CCDC149: variants seen among roughly 807,000 people sequenced by gnomAD.
CCDC149 encodes the protein coiled-coil domain containing 149, also known as coiled-coil domain-containing protein 149.
Under a neutral mutation model 59.9 loss-of-function variants are expected in CCDC149, and 45 were observed. The ratio of observed to expected loss-of-function variants is 0.75; its 90% CI spans 0.59 to 0.96. The LOEUF (loss-of-function observed/expected upper bound fraction) is 0.96. CCDC149 is among the 40% of genes least tolerant of loss of function. The pLI, the probability that CCDC149 is intolerant of heterozygous loss-of-function variation, is 0.00. For missense variants in CCDC149, 584 were observed against 664.7 expected (o/e 0.88, Z 1.33); for synonymous variants, 245 against 260.6 (o/e 0.94, Z 0.58).
Position 24,838,973 on chromosome 4 carries a change from T to C in CCDC149, c.373-701A>G, listed in dbSNP as rs569543363. On this transcript the variant is annotated intron_variant, in intron 4 of 12. Transcript: ENST00000635206. ...GGAAAAAAGAATACTAACGTTTCTA[T>C]GCAGTATGACTAAAATTATACTAAG... Among the ~76,000 whole-genome samples, 4 of 151,788 alleles carry C rather than the reference T, an allele frequency of 2.6e-5. No homozygotes were observed. In the East Asian group the frequency reaches 5.8e-4, roughly 22 times the overall value.
intron 1 of CCDC149, among the ~76,000 whole-genome samples, chr4:24,959,664 C>A (rs61791864): frequency 3.9e-5 from 6 of 152,036 alleles, no homozygotes; most frequent in Non-Finnish European, 5.9e-5. Context: ...GAGAGTAAGA[C>A]GTTTTTATAC....
chr4:24,973,183 C>G (rs941923789), intron 1 of CCDC149, among the ~76,000 whole-genome samples: 24 of 152,182 alleles, frequency 1.6e-4, no homozygotes, highest in Non-Finnish European at 2.4e-4. Context: ...CAATATATAC[C>G]TCACATGTAT....
intron 1 of CCDC149, among the ~76,000 whole-genome samples, chr4:24,958,982 G>A (rs748285441): frequency 4.6e-5 from 7 of 151,824 alleles, no homozygotes; most frequent in African/African-American, 1.2e-4. Flanking sequence ...GCAGTAAGCC[G>A]AGATCACGCA....
intron 2 of CCDC149, among the ~76,000 whole-genome samples, chr4:24,875,705 G>A (rs527834365): frequency 6.6e-6 from 1 of 152,208 alleles, no homozygotes; most frequent in South Asian, 2.1e-4. Flanking sequence ...TCAGTCACAT[G>A]AGCCCATGAA....
chr4:24,935,048 A>T (rs1256400187), intron 1 of CCDC149, among the ~76,000 whole-genome samples: 2 of 152,222 alleles, frequency 1.3e-5, no homozygotes, highest in Non-Finnish European at 2.9e-5. Flanking sequence ...AGAGGAAAGA[A>T]GGAGGATAGG....
At chr4:24,955,020 C>G (rs780888552) in intron 1 of CCDC149, among the ~76,000 whole-genome samples, 128 of 152,238 alleles carry the variant, frequency 8.4e-4, no homozygotes, top group Non-Finnish European at 1.6e-3. Flanking sequence ...ATCTCAGATG[C>G]CTTGCTGCTG....
chr4:24,869,349 G>A (rs1208594931), intron 3 of CCDC149, among the ~76,000 whole-genome samples: 1 of 152,214 alleles, frequency 6.6e-6, no homozygotes, highest in Admixed American at 6.5e-5. Flanking sequence ...AAGGAGATGA[G>A]AGCTGAGGAG....
intron 4 of CCDC149, among the ~76,000 whole-genome samples, chr4:24,845,062 G>A (rs1717197173): frequency 6.6e-6 from 1 of 152,214 alleles, no homozygotes; most frequent in Non-Finnish European, 1.5e-5. Flanking sequence ...GGGCTCTGAA[G>A]TCTATGCTGC....
chr4:24,947,287 T>C (rs544603529), intron 1 of CCDC149, among the ~76,000 whole-genome samples: 25 of 152,284 alleles, frequency 1.6e-4, no homozygotes, highest in African/African-American at 6.0e-4. Flanking sequence ...GCTGTTCTCA[T>C]GATAGTGAGT....
Position 24,819,092 on chromosome 4 carries a change from C to A in CCDC149, c.1192+767G>T, listed in dbSNP as rs185834958. 5.3e-5 allele frequency among the ~76,000 whole-genome samples: 8 copies of A among 152,318 alleles called. No homozygotes were observed. In the East Asian group the frequency reaches 1.5e-3, roughly 29 times the overall value. On this transcript the variant is annotated intron_variant, in intron 12 of 12. Transcript: ENST00000635206. ...GGGTCTTTGATCCCTTCCAGAACAC[C>A]CTGCCTCCAGAACTGTCTATCTGGT...
intron 3 of CCDC149, among the ~76,000 whole-genome samples, chr4:24,854,607 A>T (rs1445272901): frequency 6.6e-6 from 1 of 152,216 alleles, no homozygotes; most frequent in African/African-American, 2.4e-5. Flanking sequence ...GAATGGCTAA[A>T]TTTCCAAAGA....
chr4:24,945,150 G>T (rs1326399714), intron 1 of CCDC149, among the ~76,000 whole-genome samples: 1 of 152,154 alleles, frequency 6.6e-6, no homozygotes, highest in Non-Finnish European at 1.5e-5. Context: ...GGTCTAGGGT[G>T]GGGGCTGAGA....
At chr4:24,813,903 C>T (rs558611508) in intron 12 of CCDC149, among the ~76,000 whole-genome samples, 1 of 152,254 alleles carries the variant, frequency 6.6e-6, no homozygotes, top group South Asian at 2.1e-4. Context: ...TGATCATAGA[C>T]AGAAGCAGCG....
intron 1 of CCDC149, among the ~76,000 whole-genome samples, chr4:24,932,816 C>T (rs1722632421): frequency 6.6e-6 from 1 of 152,170 alleles, no homozygotes; most frequent in South Asian, 2.1e-4. Context: ...GGTGATCAAT[C>T]TCACATGTCC....
intron 1 of CCDC149, among the ~76,000 whole-genome samples, chr4:24,948,112 G>A (rs1240285476): frequency 1.3e-5 from 2 of 152,182 alleles, no homozygotes; most frequent in Admixed American, 1.3e-4. Flanking sequence ...GGCTACGGCA[G>A]GTGATTTAAG....
intron 12 of CCDC149, among the ~76,000 whole-genome samples, chr4:24,817,436 A>C (rs988487115): frequency 7.2e-5 from 11 of 151,898 alleles, no homozygotes; most frequent in Admixed American, 1.3e-4. Context: ...CTGGGGGGTA[A>C]CCTTTCTGTT....
At chr4:24,804,081 GCCTTTTGACAT>G (rs1714005638), downstream of CCDC149, among the ~76,000 whole-genome samples, 4 of 152,274 alleles carry the variant, frequency 2.6e-5, no homozygotes, top group South Asian at 8.3e-4. Flanking sequence ...CAATGCTTTG[GCCTTTTGACAT>G]CCTATCTAGT....
chr4:24,808,569 G>A lies in CCDC149; in HGVS notation c.1443C>T (p.Pro481=). 1.3e-6 allele frequency: 2 copies of A among 1,551,732 alleles called. No individual in the cohort carries two copies. The highest frequency in any genetic ancestry group is 1.7e-6 in the Non-Finnish European group (2 of 1,146,980). Residue 481 remains proline, a synonymous_variant, in exon 13 of 13, where the codon CCC becomes CCT. Transcript: ENST00000635206. ...CCGTCTCACTCCTCTGACCTTCTAT[G>A]GGACTCTCTCTTCTGACCTCTTCCA...
intron 12 of CCDC149, among the ~76,000 whole-genome samples, chr4:24,819,200 A>T (rs1304864284): frequency 6.6e-6 from 1 of 152,220 alleles, no homozygotes; most frequent in Admixed American, 6.5e-5. Flanking sequence ...CCTGAGGTAG[A>T]CATGATCATG....
Sources: gnomAD v4.1 joint callset for allele counts (sites outside exome capture counted in the v4.1 genomes callset) on GRCh38, gnomAD v4.1.1 for gene constraint, MANE v1.5 for transcripts, NCBI Gene and HGNC (gene_info 2026-07-23, HGNC 2026-07-21) for gene names.